Variants in PTPRD observed in about 807,000 individuals in gnomAD.
PTPRD encodes protein tyrosine phosphatase receptor type D.
A neutral mutation model predicts 214.5 loss-of-function variants in PTPRD; 34 were observed. The ratio of observed to expected loss-of-function variants is 0.16; its 90% CI spans 0.12 to 0.21. PTPRD has a LOEUF of 0.21. Ranked by LOEUF, PTPRD falls within the 10% of genes least tolerant of loss-of-function variation. The pLI is 1.00. For missense variants in PTPRD, 2,545 were observed against 2,398.7 expected, an observed-to-expected ratio of 1.06 and a Z score of -1.27; for synonymous variants, 1,128 against 845.7, an observed-to-expected ratio of 1.33 and a Z score of -5.79.
intron 11 of PTPRD, among the ~76,000 whole-genome samples, chr9:8,754,525 G>T (rs966876186): frequency 1.3e-5 from 2 of 152,134 alleles, no homozygotes; most frequent in African/African-American, 4.8e-5. Context: ...TTCAATCAGT[G>T]GTGATGGGTT....
chr9:9,230,809 T>C (rs566836354), intron 9 of PTPRD, among the ~76,000 whole-genome samples: 71 of 152,272 alleles, frequency 4.7e-4, no homozygotes, highest in African/African-American at 1.7e-3. Context: ...TCTTTTCTTT[T>C]AAAAAAGACT....
chr9:8,849,650 T>A (rs1246330576), intron 11 of PTPRD, among the ~76,000 whole-genome samples: 10 of 152,158 alleles, frequency 6.6e-5, no homozygotes, highest in Admixed American at 6.5e-4. Flanking sequence ...GAAAGGAGAT[T>A]CCAGGAACAG....
chr9:9,316,218 CT>C (rs1220946476), intron 9 of PTPRD, among the ~76,000 whole-genome samples: 65 of 151,912 alleles, frequency 4.3e-4, no homozygotes, highest in Non-Finnish European at 5.9e-5. Context: ...TTCTCCACCC[CT>C]ATGTCTCCCT....
At chr9:8,896,580 G>A (rs1366726971) in intron 11 of PTPRD, among the ~76,000 whole-genome samples, 3 of 152,122 alleles carry the variant, frequency 2.0e-5, no homozygotes, top group Admixed American at 2.0e-4. Context: ...AAATGCTGGG[G>A]CAGAAGATAA....
intron 10 of PTPRD, among the ~76,000 whole-genome samples, chr9:9,104,455 C>G (rs1036684187): frequency 2.0e-5 from 3 of 152,158 alleles, no homozygotes; most frequent in Non-Finnish European, 4.4e-5. Context: ...TCTTGGCTAA[C>G]ATATATACTC....
intron 39 of PTPRD, among the ~76,000 whole-genome samples, chr9:8,351,188 G>C (rs911789442): frequency 6.6e-6 from 1 of 152,106 alleles, no homozygotes; most frequent in Admixed American, 6.5e-5. Context: ...CTAAGACATT[G>C]TCAAGCCCAC....
Position 9,239,408 on chromosome 9 carries a change from G to C in PTPRD, c.-202-56045C>G, listed in dbSNP as rs540957770. Among the ~76,000 whole-genome samples, 5 of 152,242 alleles carry C rather than the reference G, an allele frequency of 3.3e-5. No homozygotes were observed. The South Asian group carries it at 1.0e-3, about 32-fold the overall frequency. Reference sequence around the variant, plus strand: ...GGGATTGCTGGTTAGACAGGTTTAGGTTGTGTCTCCTAAATGTTTTAAGGT... The same window carrying C: ...GGGATTGCTGGTTAGACAGGTTTAGCTTGTGTCTCCTAAATGTTTTAAGGT... On this transcript the variant is annotated intron_variant, in intron 9 of 45. Coordinates refer to ENST00000381196, the MANE Select transcript of PTPRD (RefSeq NM_002839.4).
intron 9 of PTPRD, among the ~76,000 whole-genome samples, chr9:9,211,169 T>C (rs997780878): frequency 5.3e-5 from 8 of 152,048 alleles, no homozygotes; most frequent in African/African-American, 1.9e-4. Flanking sequence ...GACCCATCTA[T>C]GTCTCTTTTC....
rs558452974 is a variant in PTPRD at position 8,327,479 on chromosome 9, C to T, written c.5534+4103G>A. 3.9e-5 allele frequency among the ~76,000 whole-genome samples: 6 copies of T among 152,086 alleles called. No individual in the cohort carries two copies. The South Asian group carries it at 1.0e-3, about 26-fold the overall frequency. Reference sequence around the variant, plus strand: ...TATGTGGTCAATGTTAGAATAAGTGCAATTTGGTGCTGAGAAGAATGTATA... The same window carrying T: ...TATGTGGTCAATGTTAGAATAAGTGTAATTTGGTGCTGAGAAGAATGTATA... On this transcript the variant is annotated intron_variant, in intron 44 of 45. Transcript: ENST00000381196.
chr9:10,240,659 C>CA (rs1286437004), intron 3 of PTPRD, among the ~76,000 whole-genome samples: 2 of 151,720 alleles, frequency 1.3e-5, no homozygotes, highest in Non-Finnish European at 2.9e-5. Context: ...TACAAAATGA[C>CA]AAAATGTTAA....
At chr9:10,608,733 C>T (rs376406575) in intron 2 of PTPRD, among the ~76,000 whole-genome samples, 15 of 152,246 alleles carry the variant, frequency 9.9e-5, no homozygotes, top group African/African-American at 3.4e-4. Flanking sequence ...TTTGTTACTA[C>T]AATCACATCA....
chr9:9,504,669 A>G (rs1420426278), intron 8 of PTPRD, among the ~76,000 whole-genome samples: 1 of 151,696 alleles, frequency 6.6e-6, no homozygotes, highest in Non-Finnish European at 1.5e-5. Flanking sequence ...AGACAAGAAA[A>G]AGAAATAAAA....
At chr9:10,119,731 A>T (rs879169835) in intron 3 of PTPRD, among the ~76,000 whole-genome samples, 1 of 152,122 alleles carries the variant, frequency 6.6e-6, no homozygotes, top group East Asian at 1.9e-4. Flanking sequence ...AAGGGAAATC[A>T]TCGTCTTCTG....
intron 10 of PTPRD, among the ~76,000 whole-genome samples, chr9:9,099,345 T>C (rs2099788144): frequency 6.6e-6 from 1 of 152,226 alleles, no homozygotes; most frequent in African/African-American, 2.4e-5. Context: ...CTCTCACATG[T>C]GTCAAAATAT....
intron 2 of PTPRD, among the ~76,000 whole-genome samples, chr9:10,566,330 A>G (rs530925866): frequency 5.1e-4 from 77 of 152,088 alleles, no homozygotes; most frequent in African/African-American, 1.8e-3. Flanking sequence ...CAGCTTTTCT[A>G]TAGAATGTCT....
chr9:9,753,030 C>T (rs1287235694), intron 6 of PTPRD, among the ~76,000 whole-genome samples: 1 of 152,064 alleles, frequency 6.6e-6, no homozygotes, highest in East Asian at 1.9e-4. Flanking sequence ...CCCTTTTCAC[C>T]TCTGGTGTGC....
intron 8 of PTPRD, among the ~76,000 whole-genome samples, chr9:9,410,370 C>T (rs1314710180): frequency 6.6e-6 from 1 of 152,152 alleles, no homozygotes; most frequent in African/African-American, 2.4e-5. Flanking sequence ...TAGACATATA[C>T]ATCAAAAGAA....
intron 2 of PTPRD, among the ~76,000 whole-genome samples, chr9:10,448,682 G>C (rs866310834): frequency 4.6e-5 from 7 of 152,006 alleles, no homozygotes; most frequent in Middle Eastern, 3.4e-3. Flanking sequence ...GAGGATATTA[G>C]AGCTAAGGAT....
intron 3 of PTPRD, among the ~76,000 whole-genome samples, chr9:10,103,138 C>G (rs1324385325): frequency 6.6e-6 from 1 of 151,424 alleles, no homozygotes; most frequent in South Asian, 2.1e-4. Context: ...GAGAAAATGG[C>G]TGAACAAGGA....
Sources: allele counts gnomAD v4.1 joint callset (sites outside exome capture counted in the v4.1 genomes callset), GRCh38; gene constraint gnomAD v4.1.1; transcripts MANE v1.5; gene names NCBI Gene and HGNC (gene_info 2026-07-23, HGNC 2026-07-21).